Variants in SNTG1 observed in about 807,000 individuals in gnomAD.
SNTG1 encodes the protein gamma-1-syntrophin.
SNTG1 carries 39 observed loss-of-function variants against 74.7 expected under a neutral mutation model. The ratio of observed to expected loss-of-function variants is 0.52; its 90% CI spans 0.40 to 0.68. The LOEUF is 0.68. SNTG1 is among the 30% of genes least tolerant of loss of function. The pLI is 0.00. For synonymous variants in SNTG1, 254 were observed against 217.1 expected, an observed-to-expected ratio of 1.17 and a Z score of -1.49; for missense variants, 685 against 609.5, an observed-to-expected ratio of 1.12 and a Z score of -1.30.
At chr8:50,485,950 T>C (rs2093789005) in intron 8 of SNTG1, among the ~76,000 whole-genome samples, 1 of 151,172 alleles carries the variant, frequency 6.6e-6, no homozygotes, top group Admixed American at 6.6e-5. Context: ...TTGCTTGTTT[T>C]TCTCAGGTTT....
chr8:50,019,062 G>T (rs1366907491), intron 1 of SNTG1, among the ~76,000 whole-genome samples: 2 of 151,956 alleles, frequency 1.3e-5, no homozygotes, highest in Non-Finnish European at 2.9e-5. Flanking sequence ...TCTGGGGAAG[G>T]GTCAAGGAAA....
intron 2 of SNTG1, among the ~76,000 whole-genome samples, chr8:50,175,629 C>A (rs189981953): frequency 4.1e-4 from 63 of 152,202 alleles, no homozygotes; most frequent in Non-Finnish European, 7.8e-4. Flanking sequence ...GCAAAGGTTT[C>A]AAAGTATCAT....
chr8:50,600,979 C>T (rs2094769379), intron 13 of SNTG1, among the ~76,000 whole-genome samples: 1 of 151,132 alleles, frequency 6.6e-6, no homozygotes, highest in Non-Finnish European at 1.5e-5. Context: ...ACCATCCTGG[C>T]CAACATGGTG....
intron 18 of SNTG1, among the ~76,000 whole-genome samples, chr8:50,757,123 G>C (rs2095582486): frequency 6.6e-6 from 1 of 151,708 alleles, no homozygotes; most frequent in African/African-American, 2.4e-5. Context: ...ATCAAGTTGA[G>C]GATGTCCCCC....
intron 4 of SNTG1, among the ~76,000 whole-genome samples, chr8:50,427,536 C>T (rs1407818353): frequency 6.6e-6 from 1 of 152,082 alleles, no homozygotes; most frequent in African/African-American, 2.4e-5. Context: ...TCAAGCTGTC[C>T]TGCCTCAGCC....
At chr8:50,373,942 T>A (rs1414539207) in intron 2 of SNTG1, among the ~76,000 whole-genome samples, 2 of 152,180 alleles carry the variant, frequency 1.3e-5, no homozygotes, top group Admixed American at 6.5e-5. Flanking sequence ...ACAGGAATCA[T>A]CTCACTCCTC....
intron 18 of SNTG1, among the ~76,000 whole-genome samples, chr8:50,756,724 T>G (rs868346578): frequency 6.6e-6 from 1 of 151,750 alleles, no homozygotes; most frequent in African/African-American, 2.4e-5. Context: ...TTTGATCTTG[T>G]TTTTCAATAG....
At chr8:50,405,288 T>G (rs1171583461) in intron 4 of SNTG1, among the ~76,000 whole-genome samples, 3 of 152,150 alleles carry the variant, frequency 2.0e-5, no homozygotes, top group African/African-American at 7.2e-5. Flanking sequence ...GGGTTCCAAG[T>G]TCTCCACATT....
intron 2 of SNTG1, among the ~76,000 whole-genome samples, chr8:50,299,615 AAT>A (rs1406780432): frequency 6.6e-6 from 1 of 152,172 alleles, no homozygotes; most frequent in Non-Finnish European, 1.5e-5. Context: ...AATTAATTAT[AAT>A]AGTGTTTTAA....
chr8:50,639,102 A>ACAT (rs2095056439), intron 13 of SNTG1, among the ~76,000 whole-genome samples: 1 of 151,916 alleles, frequency 6.6e-6, no homozygotes, highest in South Asian at 2.1e-4. Context: ...TAAGAAGGAG[A>ACAT]CATTATTTAC....
Position 50,201,504 on chromosome 8 carries a change from TTA to T in SNTG1, c.-28+28870_-28+28871del, listed in dbSNP as rs2083985483. On this transcript the variant is annotated intron_variant, in intron 2 of 18. Coordinates refer to ENST00000642720, the MANE Select transcript of SNTG1 (RefSeq NM_018967.5). Reference sequence around the variant, plus strand: ...ATTAACTAAAGTCCATGGCACATTTTTAAAATTTATTTTACTTTTATGGAGCA... The same window carrying T: ...ATTAACTAAAGTCCATGGCACATTTTAAATTTATTTTACTTTTATGGAGCA... 2.0e-5 allele frequency among the ~76,000 whole-genome samples: 3 copies of T among 152,152 alleles called. No individual in the cohort carries two copies. The South Asian group carries it at 6.2e-4, about 31-fold the overall frequency.
chr8:50,704,194 T>C (rs2095435786), intron 15 of SNTG1, among the ~76,000 whole-genome samples: 1 of 152,140 alleles, frequency 6.6e-6, no homozygotes, highest in South Asian at 2.1e-4. Flanking sequence ...AATATTTTGG[T>C]TTGCTTATAA....
At chr8:50,780,314 C>T (rs1399870935) in intron 18 of SNTG1, among the ~76,000 whole-genome samples, 1 of 152,116 alleles carries the variant, frequency 6.6e-6, no homozygotes, top group African/African-American at 2.4e-5. Context: ...TAGAATTCGG[C>T]TGTGAATCCC....
Position 50,653,753 on chromosome 8 carries a change from G to C in SNTG1, c.850-3156G>C, listed in dbSNP as rs181149615. Among the ~76,000 whole-genome samples, 205 of 152,146 alleles carry C rather than the reference G, an allele frequency of 1.3e-3. 1 individual carries two copies. Among genetic ancestry groups the C allele is most frequent in the East Asian group, 5.4e-3 (28 of 5,172 alleles). ...AACAGTGGCCCAGAGTATTTTGTAC[G>C]CCCTTGAATGTTCTTTGGATACTTT... On this transcript the variant is annotated intron_variant, in intron 13 of 18. Transcript: ENST00000642720.
upstream of SNTG1, chr8:49,911,042 A>T (rs559789108): frequency 1.1e-4 from 16 of 152,270 alleles, no homozygotes; most frequent in African/African-American, 3.6e-4. Flanking sequence ...AGCGTTTTAA[A>T]AGGTAGCCGA....
intron 2 of SNTG1, among the ~76,000 whole-genome samples, chr8:50,183,330 C>G (rs2083273476): frequency 6.6e-6 from 1 of 152,162 alleles, no homozygotes; most frequent in Admixed American, 6.6e-5. Flanking sequence ...CTGCTTCCCT[C>G]TCAGCTATTT....
intron 2 of SNTG1, among the ~76,000 whole-genome samples, chr8:50,246,030 A>G (rs1265208266): frequency 6.6e-6 from 1 of 151,770 alleles, no homozygotes; most frequent in Non-Finnish European, 1.5e-5. Context: ...CTATTTTGTA[A>G]TTAAAGAAAA....
chr8:50,479,878 T>C (rs1177434595), intron 8 of SNTG1, among the ~76,000 whole-genome samples: 1 of 152,188 alleles, frequency 6.6e-6, no homozygotes, highest in African/African-American at 2.4e-5. Flanking sequence ...GGTTTGTCAA[T>C]ATTTCAAGTT....
chr8:50,373,221 A>G (rs2092307511), intron 2 of SNTG1, among the ~76,000 whole-genome samples: 1 of 152,138 alleles, frequency 6.6e-6, no homozygotes, highest in Non-Finnish European at 1.5e-5. Flanking sequence ...ACAAATTGTA[A>G]TTCTTTTTGG....
Sources: gnomAD v4.1 joint callset for allele counts (sites outside exome capture counted in the v4.1 genomes callset) on GRCh38, gnomAD v4.1.1 for gene constraint, MANE v1.5 for transcripts, NCBI Gene and HGNC (gene_info 2026-07-23, HGNC 2026-07-21) for gene names.